Variants in C1orf105 observed in about 807,000 individuals in gnomAD.
C1orf105 encodes uncharacterized protein C1orf105.
A neutral mutation model predicts 20.8 loss-of-function variants in C1orf105; 17 were observed. The ratio of observed to expected loss-of-function variants is 0.82; its 90% CI spans 0.56 to 1.23. C1orf105 has a LOEUF of 1.23. Among genes scored for constraint, C1orf105 ranks in the 50% most tolerant of loss-of-function variants. C1orf105 has a pLI of 0.00. For missense variants in C1orf105, 219 were observed against 213.5 expected (o/e 1.03, Z -0.16); for synonymous variants, 72 against 72.1 (o/e 1.00, Z 0.01).
At chr1:172,425,778 C>T (rs2071707417) in intron 1 of C1orf105, among the ~76,000 whole-genome samples, 1 of 152,148 alleles carries the variant, frequency 6.6e-6, no homozygotes, top group African/African-American at 2.4e-5. Flanking sequence ...ACATTAATCC[C>T]ATTAGTGAGC....
rs548595402 is a variant in C1orf105, at chr1:172,427,174, G to A, written c.21+6268G>A. ...GATTCCTTGCCTCCAACTTCCCTGA[G>A]AAAATTGAAGCAATCAGAAAAGAAC... is the stretch of plus-strand genomic sequence containing the variant. On this transcript the variant is annotated intron_variant, in intron 1 of 6. Coordinates refer to ENST00000367727, the MANE Select transcript of C1orf105 (RefSeq NM_139240.4). 2.1e-3 allele frequency among the ~76,000 whole-genome samples: 325 copies of A among 152,180 alleles called. 1 individual carries two copies. The highest frequency in any genetic ancestry group is 7.2e-3 in the African/African-American group (299 of 41,502).
intron 6 of C1orf105, 70 bp downstream of exon 6, chr1:172,465,433 A>G (rs1649977221): frequency 2.0e-5 from 22 of 1,084,900 alleles, no homozygotes. Context: ...TGACAGTCTA[A>G]TCCCTAAAAT....
intron 1 of C1orf105, among the ~76,000 whole-genome samples, chr1:172,437,409 A>C (rs537648646): frequency 6.6e-6 from 1 of 152,182 alleles, no homozygotes; most frequent in South Asian, 2.1e-4. Context: ...GCAGCCATAA[A>C]AAAGGATGAG....
chr1:172,434,962 T>A (rs1312335703), intron 1 of C1orf105, among the ~76,000 whole-genome samples: 1 of 148,404 alleles, frequency 6.7e-6, no homozygotes, highest in Non-Finnish European at 1.5e-5. Flanking sequence ...GAGAATACTA[T>A]AAACACCTCT....
chr1:172,442,676 G>A, intron 1 of C1orf105: 1 of 1,472,726 alleles, frequency 6.8e-7, no homozygotes, highest in Non-Finnish European at 9.4e-7. Context: ...CAGAAGTCCA[G>A]GTGGTTCTTG....
intron 1 of C1orf105, among the ~76,000 whole-genome samples, chr1:172,437,994 G>A (rs2072097689): frequency 6.6e-6 from 1 of 151,942 alleles, no homozygotes; most frequent in Non-Finnish European, 1.5e-5. Context: ...AAAATCCCAG[G>A]GCCCTTGAAA....
At chr1:172,462,275 C>T (rs1228157282) in intron 5 of C1orf105, 30 bp downstream of exon 5, 7 of 1,513,168 alleles carry the variant, frequency 4.6e-6, no homozygotes, top group Non-Finnish European at 6.4e-6. Flanking sequence ...CAGGACATGA[C>T]TTAATTCTTG....
intron 3 of C1orf105, among the ~76,000 whole-genome samples, chr1:172,450,589 C>A (rs1425370614): frequency 6.6e-6 from 1 of 152,224 alleles, no homozygotes; most frequent in Non-Finnish European, 1.5e-5. Flanking sequence ...AAGCTGCTGG[C>A]AATCCGGAGG....
chr1:172,453,328 A>G lies in C1orf105; in HGVS notation c.199-3087A>G, dbSNP rs778658253. The G allele has an allele frequency of 8.4e-5, 94 of 1,121,354 alleles. 1 individual carries two copies. In the South Asian group the frequency reaches 1.1e-3, roughly 13 times the overall value. The allele number at this position is 1,121,354 out of a possible 1,614,324, so 69.5% of individuals were successfully genotyped here. On this transcript the variant is annotated intron_variant, in intron 3 of 6. Transcript: ENST00000367727. ...GGGAAGGGAGACTTGGAGAGTTTAT[A>G]TGATTGACAAAAGTCACCCAAGTTG...
chr1:172,458,211 A>G (rs2213740), intron 4 of C1orf105, among the ~76,000 whole-genome samples: 37,998 of 152,148 alleles, frequency 0.25, 4,968 homozygotes, highest in South Asian at 0.41. Context: ...ACATTTTACT[A>G]TACATTCTAG....
intron 1 of C1orf105, 51 bp from the exon 2 acceptor site, chr1:172,445,022 G>A (rs757745335): frequency 2.8e-6 from 4 of 1,442,586 alleles, no homozygotes; most frequent in Non-Finnish European, 3.9e-6. Context: ...CGTAATGATA[G>A]CAATGTTTAA....
intron 3 of C1orf105, 26 bp from the exon 4 acceptor site, chr1:172,456,389 C>A (rs2285170): frequency 1.5e-5 from 24 of 1,600,508 alleles, no homozygotes; most frequent in Middle Eastern, 1.7e-4. Flanking sequence ...ATTTCCTCAC[C>A]TCTCTCTGTC....
intron 6 of C1orf105, among the ~76,000 whole-genome samples, chr1:172,466,604 AC>A (rs1650079253): frequency 6.9e-6 from 1 of 145,690 alleles, no homozygotes; most frequent in African/African-American, 2.6e-5. Context: ...ACACACACAC[AC>A]ACACACACAC....
chr1:172,422,924 G>A (rs1003000358), intron 1 of C1orf105, among the ~76,000 whole-genome samples: 3 of 152,122 alleles, frequency 2.0e-5, no homozygotes, highest in Admixed American at 1.3e-4. Context: ...GGAAAGGGTG[G>A]GAAGGACTTC....
intron 1 of C1orf105, among the ~76,000 whole-genome samples, chr1:172,435,614 T>G (rs1255550029): frequency 6.6e-6 from 1 of 152,120 alleles, no homozygotes; most frequent in African/African-American, 2.4e-5. Flanking sequence ...TAAGAGCTAC[T>G]CATGACAAAC....
chr1:172,437,441 C>T lies in C1orf105; in HGVS notation c.22-7632C>T, dbSNP rs190957547. Among the ~76,000 whole-genome samples the T allele has an allele frequency of 5.3e-4, 80 of 151,844 alleles. No individual in the cohort carries two copies. In the East Asian group the frequency reaches 0.014, roughly 26 times the overall value. ...TGAGTTCATGTCCTTTGCAGGGACA[C>T]GGATAAAGCTGGAAACCATCATTCT... On this transcript the variant is annotated intron_variant, in intron 1 of 6. Transcript: ENST00000367727.
In C1orf105 at chr1:172,445,153, C is replaced by G; in HGVS notation, c.102C>G (p.Pro34=). 6.2e-7 allele frequency: 1 copy of G among 1,610,424 alleles called. No homozygotes were observed. The highest frequency in any genetic ancestry group is 8.5e-7 in the Non-Finnish European group (1 of 1,178,488). Residue 34 remains proline (P), a synonymous_variant, in exon 2 of 7, where the codon CCC becomes CCG. Coordinates refer to ENST00000367727, the MANE Select transcript of C1orf105 (RefSeq NM_139240.4). The part of the protein sequence containing the change: ...LVNKPLVLSL[P]RRYPHTSATF... ...ACAAGCCATTAGTGCTCAGCCTTCC[C>G]AGAAGGTAACCTCTCAGCCACCGAG... is the stretch of plus-strand genomic sequence containing the variant.
intron 1 of C1orf105, among the ~76,000 whole-genome samples, chr1:172,429,223 TACACACACACAC>T (rs3838965): frequency 5.7e-4 from 86 of 151,044 alleles, no homozygotes; most frequent in East Asian, 5.3e-3. Context: ...AATACAAATA[TACACACACACAC>T]ACACACACAC....
chr1:172,457,232 A>G (rs2149187101), intron 4 of C1orf105, among the ~76,000 whole-genome samples: 1 of 152,290 alleles, frequency 6.6e-6, no homozygotes, highest in Admixed American at 6.5e-5. Context: ...GCTTTGGTTA[A>G]GGGTTAATTT....
Sources: allele counts gnomAD v4.1 joint callset (sites outside exome capture counted in the v4.1 genomes callset), GRCh38; gene constraint gnomAD v4.1.1; transcripts MANE v1.5; gene names NCBI Gene and HGNC (gene_info 2026-07-23, HGNC 2026-07-21).